Variants in CAMK2G observed in about 807,000 individuals in gnomAD.
The protein encoded by CAMK2G is calcium/calmodulin dependent protein kinase II gamma.
Under a neutral mutation model 88.7 loss-of-function variants are expected in CAMK2G, and 23 were observed. The observed-to-expected ratio is 0.26, with a 90% confidence interval of 0.19 to 0.37. CAMK2G has a LOEUF of 0.37. Ranked by LOEUF, CAMK2G falls within the 10% of genes least tolerant of loss-of-function variation. CAMK2G has a pLI of 1.00. For missense variants in CAMK2G, 476 were observed against 780.8 expected (o/e 0.61, Z 4.65); for synonymous variants, 263 against 294.8 (o/e 0.89, Z 1.11).
rs1244830208 is a variant in CAMK2G at position 73,831,550 on chromosome 10, A to AG, written c.1054-3430_1054-3429insC. ...GACTCCGTCTAAAAAAAAAAAAAAA[A>AG]AAAAAAAAAGAAAGCAATCTTTTAA... On this transcript the variant is annotated intron_variant, in intron 14 of 22. Transcript: ENST00000423381. Among the ~76,000 whole-genome samples the AG allele has an allele frequency of 2.7e-5, 4 of 150,514 alleles. No homozygotes were observed. The South Asian group carries it at 6.3e-4, about 24-fold the overall frequency.
intron 2 of CAMK2G, among the ~76,000 whole-genome samples, chr10:73,872,609 C>T (rs184999280): frequency 2.0e-5 from 3 of 152,300 alleles, no homozygotes; most frequent in Non-Finnish European, 4.4e-5. Flanking sequence ...ACCACTGGGG[C>T]ACAGGGACCA....
rs377736010 is a variant in CAMK2G at position 73,817,010 on chromosome 10, C to T, written c.1534+13G>A. On this transcript the variant is annotated intron_variant, in intron 21 of 22. Transcript: ENST00000423381. ...GGCAGGCAGGAGTATATCAGCAGCA[C>T]GAACCCACTCACGATTCTCAAAGTA... 8 of 1,613,912 alleles carry T rather than the reference C, an allele frequency of 5.0e-6. No individual in the cohort carries two copies. Among genetic ancestry groups the T allele is most frequent in the East Asian group, 4.5e-5 (2 of 44,894 alleles).
At chr10:73,827,673 GC>G (rs2091415655) in intron 15 of CAMK2G, among the ~76,000 whole-genome samples, 7 of 152,204 alleles carry the variant, frequency 4.6e-5, no homozygotes, top group Admixed American at 2.6e-4. Context: ...ACAAGTGGGA[GC>G]CTGCAACCAG....
chr10:73,833,884 C>T, intron 14 of CAMK2G, among the ~76,000 whole-genome samples: 1 of 147,510 alleles, frequency 6.8e-6, no homozygotes, highest in African/African-American at 2.5e-5. Context: ...CAGATGTGAG[C>T]CACCACACCT....
intron 14 of CAMK2G, among the ~76,000 whole-genome samples, chr10:73,829,662 AG>A (rs2092016727): frequency 1.4e-5 from 2 of 141,552 alleles, no homozygotes; most frequent in Non-Finnish European, 3.0e-5. Context: ...TCCCTCAAAA[AG>A]AAGGAGTTCC....
intron 19 of CAMK2G, chr10:73,817,859 C>G: frequency 2.3e-6 from 1 of 438,120 alleles, no homozygotes; most frequent in South Asian, 3.2e-5. Flanking sequence ...AGGTGAGGAG[C>G]CTGGTACATC....
chr10:73,838,128 A>G (rs965279613), intron 13 of CAMK2G, among the ~76,000 whole-genome samples: 1 of 152,182 alleles, frequency 6.6e-6, no homozygotes, highest in Non-Finnish European at 1.5e-5. Context: ...TGTGAGCAGG[A>G]AGGACTCGGC....
chr10:73,826,972 G>A (rs1055004597), intron 15 of CAMK2G, among the ~76,000 whole-genome samples: 1 of 152,122 alleles, frequency 6.6e-6, no homozygotes, highest in Non-Finnish European at 1.5e-5. Context: ...TGAGACGGTG[G>A]GTCTAAACTC....
chr10:73,863,341 G>C (rs1340936958), intron 2 of CAMK2G, among the ~76,000 whole-genome samples: 2 of 152,200 alleles, frequency 1.3e-5, no homozygotes, highest in African/African-American at 4.8e-5. Context: ...ACAGGGATGT[G>C]GCCAGTGACC....
chr10:73,849,096 G>C lies in CAMK2G; in HGVS notation c.434C>G (p.Ala145Gly), dbSNP rs144852827. 1.2e-6 allele frequency: 2 copies of C among 1,613,822 alleles called. No homozygotes were observed. The highest frequency in any genetic ancestry group is 1.7e-6 in the Non-Finnish European group (2 of 1,179,824). ...RDLKPENLLLASKCKGAAVKL... is the reference protein window; with the variant it reads ...RDLKPENLLLGSKCKGAAVKL... Reference sequence around the variant, plus strand: ...GACGGCGGCACCCTTGCATTTACTCGCCAGCAGCAGGTTCTCAGGCTGCAG... The same window carrying C: ...GACGGCGGCACCCTTGCATTTACTCCCCAGCAGCAGGTTCTCAGGCTGCAG... The change falls in exon 7 of 23, where the codon GCG (alanine) becomes GGG (glycine). Residue 145 changes from alanine to glycine, a missense_variant. Physicochemically the swap from Ala to Gly is moderately conservative, Grantham distance 60. Transcript: ENST00000423381.
intron 5 of CAMK2G, among the ~76,000 whole-genome samples, chr10:73,850,905 C>A (rs571472502): frequency 7.9e-5 from 12 of 152,282 alleles, no homozygotes; most frequent in African/African-American, 2.9e-4. Context: ...GCAGGGAGCG[C>A]CTTCTGGCCA....
At chr10:73,817,277 T>C (rs958216251) in intron 20 of CAMK2G, among the ~76,000 whole-genome samples, 160 bp from the exon 21 acceptor site, 2 of 152,186 alleles carry the variant, frequency 1.3e-5, no homozygotes, top group Non-Finnish European at 2.9e-5. Flanking sequence ...CACTCAGCCC[T>C]GTGCTTTCGG....
At chr10:73,867,900 A>G (rs925963858) in intron 2 of CAMK2G, among the ~76,000 whole-genome samples, 2 of 152,224 alleles carry the variant, frequency 1.3e-5, no homozygotes, top group Non-Finnish European at 2.9e-5. Context: ...GGGCACCTGC[A>G]GCACAAAACC....
chr10:73,831,251 T>C (rs2092378209), intron 14 of CAMK2G, among the ~76,000 whole-genome samples: 3 of 152,008 alleles, frequency 2.0e-5, no homozygotes, highest in African/African-American at 4.8e-5. Flanking sequence ...TTTTAAAAAA[T>C]GCAATTGGCC....
intron 17 of CAMK2G, 64 bp from the exon 18 acceptor site, chr10:73,821,794 GAACA>G: frequency 7.4e-7 from 1 of 1,342,404 alleles, no homozygotes; most frequent in South Asian, 1.2e-5. Flanking sequence ...GAGCAAAGCA[GAACA>G]AAAGCAGAGT....
In CAMK2G at chr10:73,819,574, A is replaced by T; in HGVS notation, c.1321T>A (p.Ser441Thr). ...GAAGGCTGGGGCTGCATGCCTGCAG[A>T]GGGGGCTGTTCTGTCCCGGGAGCTC... is the stretch of plus-strand genomic sequence containing the variant. ...GRSSRDRTAP[S>T]AGMQPQPSLC... Residue 441 changes from serine to threonine, a missense_variant, in exon 19 of 23, where the codon TCT becomes ACT. By Grantham distance (58) the Ser-to-Thr change is moderately conservative. Transcript: ENST00000423381. 6.5e-7 allele frequency: 1 copy of T among 1,549,498 alleles called. No individual in the cohort carries two copies. Among genetic ancestry groups the T allele is most frequent in the East Asian group, 2.4e-5 (1 of 40,924 alleles).
At chr10:73,818,259 G>C (rs944986312) in intron 19 of CAMK2G, 3 of 192,850 alleles carry the variant, frequency 1.6e-5, no homozygotes, top group African/African-American at 6.9e-5. Context: ...TCATTGCCAG[G>C]ACGTGTTCCT....
intron 14 of CAMK2G, among the ~76,000 whole-genome samples, chr10:73,829,346 G>C (rs1157850231): frequency 6.6e-6 from 1 of 151,218 alleles, no homozygotes; most frequent in Non-Finnish European, 1.5e-5. Flanking sequence ...CCAGGCTGGA[G>C]TGCAGTGGCA....
Position 73,842,354 on chromosome 10 carries a change from C to T in CAMK2G, c.903+104G>A. On this transcript the variant is annotated intron_variant, in intron 11 of 22. Transcript: ENST00000423381. This position sits in a 1 kb window ranked among gnomAD's most constrained non-coding sequence, Gnocchi z 4.6. ...CCTGTGACATGTACAACCTTCAGAG[C>T]CCAGCTCCAGCCAGGAGGGGAGCTT... 2 of 1,158,076 alleles carry T rather than the reference C, an allele frequency of 1.7e-6. No individual in the cohort carries two copies. Among genetic ancestry groups the T allele is most frequent in the Non-Finnish European group, 2.6e-6 (2 of 766,076 alleles). The allele number at this position is 1,158,076 out of a possible 1,614,324, so 71.7% of individuals were successfully genotyped here.
Sources: gnomAD v4.1 joint callset for allele counts (sites outside exome capture counted in the v4.1 genomes callset) on GRCh38, gnomAD v4.1.1 for gene constraint, Gnocchi (gnomAD v3.1) non-coding constraint, MANE v1.5 for transcripts, NCBI Gene and HGNC (gene_info 2026-07-23, HGNC 2026-07-21) for gene names.